Variants in PEG3 observed in about 807,000 individuals in gnomAD.
PEG3 encodes paternally-expressed gene 3 protein.
In PEG3, 23 loss-of-function variants were observed where a neutral mutation model predicts 35.5. The observed-to-expected ratio is 0.65, with a 90% confidence interval of 0.47 to 0.92. The LOEUF is 0.92. PEG3 is among the 40% of genes least tolerant of loss of function. PEG3 has a pLI of 0.00. For synonymous variants in PEG3, 707 were observed against 697.0 expected (o/e 1.01, Z -0.23); for missense variants, 1,960 against 1,985.3 (o/e 0.99, Z 0.24).
Position 56,822,772 on chromosome 19 carries a change from G to A in PEG3, c.546C>T (p.His182=). The part of the protein sequence containing the change: ...RDMEPRDRWS[H]TRNPRSRMPP... ...ACTCACTGCTTCTTGGGTTCCTGGT[G>A]TGGGACCAGCGGTCTCGTGGCTCCA... Residue 182 remains histidine (H), a synonymous_variant, in exon 6 of 10, where the codon CAC becomes CAT. Coordinates refer to ENST00000326441, the MANE Select transcript of PEG3 (RefSeq NM_006210.3). 3 of 1,614,148 alleles carry A rather than the reference G, an allele frequency of 1.9e-6. No homozygotes were observed. The highest frequency in any genetic ancestry group is 2.5e-6 in the Non-Finnish European group (3 of 1,180,030).
chr19:56,828,026 T>A (rs2061223367), intron 2 of PEG3, among the ~76,000 whole-genome samples: 12 of 152,194 alleles, frequency 7.9e-5, no homozygotes. Flanking sequence ...ACCATGAGCA[T>A]GTATTACCTA....
chr19:56,837,345 A>T (rs1388547840), intron 1 of PEG3, among the ~76,000 whole-genome samples: 2 of 152,142 alleles, frequency 1.3e-5, no homozygotes, highest in Admixed American at 6.5e-5. Context: ...TTCCACCTCC[A>T]GCTGTACGAT....
At chr19:56,831,103 A>C (rs1244062297) in intron 2 of PEG3, among the ~76,000 whole-genome samples, 1 of 152,192 alleles carries the variant, frequency 6.6e-6, no homozygotes, top group Non-Finnish European at 1.5e-5. Flanking sequence ...TAAATGTACA[A>C]GAATATCAAG....
Position 56,824,619 on chromosome 19 carries a change from T to TATA in PEG3, c.36_37insTAT (p.Pro12_Lys13insTyr), listed in dbSNP as rs768324846. The TATA allele has an allele frequency of 6.2e-7, 1 of 1,607,248 alleles. No individual in the cohort carries two copies. Among genetic ancestry groups the TATA allele is most frequent in the Non-Finnish European group, 8.5e-7 (1 of 1,174,476 alleles). On this transcript the variant is annotated inframe_insertion, in exon 4 of 10. Coordinates refer to ENST00000326441, the MANE Select transcript of PEG3 (RefSeq NM_006210.3). The stretch of plus-strand genomic sequence containing the variant: ...TACAGATTTGGGGCCCAGGACTTCT[T>TATA]AGGTTTGGTGGCAGACAAGTGCTTT...
At chr19:56,830,256 A>G (rs1421002787) in intron 2 of PEG3, among the ~76,000 whole-genome samples, 1 of 152,270 alleles carries the variant, frequency 6.6e-6, no homozygotes, top group Non-Finnish European at 1.5e-5. Flanking sequence ...AAACTAACAA[A>G]GTCCAAATAA....
intron 2 of PEG3, among the ~76,000 whole-genome samples, chr19:56,832,641 G>T (rs1411995512): frequency 6.6e-6 from 1 of 152,198 alleles, no homozygotes; most frequent in Admixed American, 6.5e-5. Context: ...TGGGCCAGGG[G>T]ACAAAGAAAG....
intron 9 of PEG3, 79 bp from the exon 10 acceptor site, chr19:56,817,658 G>T: frequency 6.6e-7 from 1 of 1,517,526 alleles, no homozygotes; most frequent in Non-Finnish European, 9.1e-7. Context: ...GCACCCTTCT[G>T]TGATGTTTAG....
chr19:56,818,793 T>C (rs966897683), intron 7 of PEG3, 91 bp from the exon 8 acceptor site: 3 of 1,425,948 alleles, frequency 2.1e-6, no homozygotes, highest in Admixed American at 1.7e-5. Flanking sequence ...GTTACATATA[T>C]GAAGTTATAT....
intron 4 of PEG3, 99 bp from the exon 5 acceptor site, chr19:56,823,778 T>G: frequency 7.4e-7 from 1 of 1,356,710 alleles, no homozygotes; most frequent in South Asian, 1.2e-5. Context: ...CAGACACACA[T>G]GGTTGGAATG....
In PEG3 at chr19:56,815,213, C is replaced by T. The variant is rs1050957805; in HGVS notation, c.3229G>A (p.Glu1077Lys). The T allele has an allele frequency of 1.2e-6, 2 of 1,613,796 alleles. No homozygotes were observed. The highest frequency in any genetic ancestry group is 1.7e-5 in the Admixed American group (1 of 59,996). The change falls in exon 10 of 10, where the codon GAG (glutamate) becomes AAG (lysine). Residue 1077 changes from glutamate to lysine, a missense_variant. This residue lies in a region of PEG3 where 798 missense variants were observed against 782.4 expected (regional missense o/e 1.02). Coordinates refer to ENST00000326441, the MANE Select transcript of PEG3 (RefSeq NM_006210.3). ...TCAATTGTCTCCTGACCATGGGTCT[C>T]CTCGCTGTGGGTCTCCTCCCCATCA... The part of the protein sequence containing the change: ...NTDGEETHSE[E>K]THGQETIEDP...
Position 56,812,702 on chromosome 19 carries a change from A to C in PEG3, c.*973T>G, listed in dbSNP as rs2059617876. On this transcript the variant is annotated 3_prime_UTR_variant, in exon 10 of 10. Transcript: ENST00000326441. ...CTACGGTTCTCAACCTTCATTAGGC[A>C]CTACTGTGATCTAGTGATGGTTGTA... 1.0e-6 allele frequency: 1 copy of C among 983,820 alleles called. No individual in the cohort carries two copies. Among genetic ancestry groups the C allele is most frequent in the Non-Finnish European group, 1.2e-6 (1 of 828,120 alleles). 60.9% of individuals were successfully genotyped at this position (983,820 alleles called of 1,614,324 possible).
chr19:56,824,410 C>T lies in PEG3; in HGVS notation c.246G>A (p.Lys82=). ...GGACCAAGAGCTCGATGATCTCCTC[C>T]TTGGTGCGGGTCTCCGGCTGCAACC... ...LDWLQPETRT[K]EEIIELLVLE... The change falls in exon 4 of 10, where the codon AAG becomes AAA. Residue 82 remains lysine (K), a synonymous_variant. Coordinates refer to ENST00000326441, the MANE Select transcript of PEG3 (RefSeq NM_006210.3). The T allele has an allele frequency of 6.2e-7, 1 of 1,614,138 alleles. No individual in the cohort carries two copies. Among genetic ancestry groups the T allele is most frequent in the East Asian group, 2.2e-5 (1 of 44,864 alleles).
At chr19:56,823,250 C>T (rs1392671920) in intron 5 of PEG3, among the ~76,000 whole-genome samples, 2 of 152,192 alleles carry the variant, frequency 1.3e-5, no homozygotes, top group East Asian at 1.9e-4. Flanking sequence ...CACACACCCT[C>T]CCTGAAAGCA....
chr19:56,828,439 T>A (rs1258424579), intron 2 of PEG3, among the ~76,000 whole-genome samples: 2 of 152,152 alleles, frequency 1.3e-5, no homozygotes, highest in Non-Finnish European at 2.9e-5. Flanking sequence ...CATCTGCCCA[T>A]GTGCACAAAG....
rs1187606345 is a variant in PEG3 at position 56,811,218 on chromosome 19, A to C, written c.*2457T>G. 2 of 968,096 alleles carry C rather than the reference A, an allele frequency of 2.1e-6. No homozygotes were observed. The highest frequency in any genetic ancestry group is 2.5e-6 in the Non-Finnish European group (2 of 814,266). 60.0% of individuals were successfully genotyped at this position (968,096 alleles called of 1,614,324 possible). Reference sequence around the variant, plus strand: ...ACACTACCATAAAGAACATTCAAGAAATTTAAGAAAATAATGCTCAACTAT... The same window carrying C: ...ACACTACCATAAAGAACATTCAAGACATTTAAGAAAATAATGCTCAACTAT... On this transcript the variant is annotated 3_prime_UTR_variant, in exon 10 of 10. Transcript: ENST00000326441.
At chr19:56,836,797 CT>C (rs1167424123) in intron 1 of PEG3, among the ~76,000 whole-genome samples, 1 of 152,016 alleles carries the variant, frequency 6.6e-6, no homozygotes, top group Non-Finnish European at 1.5e-5. Context: ...GGCGAAACCC[CT>C]GGTCTACTAA....
chr19:56,812,387 G>C lies in PEG3; in HGVS notation c.*1288C>G. 2 of 984,702 alleles carry C rather than the reference G, an allele frequency of 2.0e-6. No homozygotes were observed. Among genetic ancestry groups the C allele is most frequent in the Non-Finnish European group, 2.4e-6 (2 of 829,478 alleles). The allele number at this position is 984,702 out of a possible 1,614,324, so 61.0% of individuals were successfully genotyped here. A position where few individuals can be genotyped will look rare whatever the true frequency, so the allele number is the denominator to read the frequency against. ...AAATTAAGGCTGCTGGGGAACCTGA[G>C]TCCATGTTAAGCTTGGGTTGACTGT... On this transcript the variant is annotated 3_prime_UTR_variant, in exon 10 of 10. Coordinates refer to ENST00000326441, the MANE Select transcript of PEG3 (RefSeq NM_006210.3).
At chr19:56,821,582 G>C in intron 7 of PEG3, 69 bp downstream of exon 7, 1 of 1,581,956 alleles carries the variant, frequency 6.3e-7, no homozygotes, top group Non-Finnish European at 8.6e-7. Flanking sequence ...ACACCATCTG[G>C]GGAAAGAAAG....
intron 1 of PEG3, among the ~76,000 whole-genome samples, chr19:56,836,969 C>A (rs1442372414): frequency 1.7e-5 from 2 of 116,986 alleles, no homozygotes; most frequent in African/African-American, 3.6e-5. Context: ...GACTCTGTCT[C>A]AAAAAAAAAA....
Sources: gnomAD v4.1 joint callset for allele counts (sites outside exome capture counted in the v4.1 genomes callset) on GRCh38, gnomAD v4.1.1 for gene constraint, gnomAD v4.1.1 regional missense constraint, MANE v1.5 for transcripts, NCBI Gene and HGNC (gene_info 2026-07-23, HGNC 2026-07-21) for gene names.